SGSM2: variants seen among roughly 807,000 people sequenced by gnomAD.
SGSM2 encodes small G protein signaling modulator 2, also known as RUN and TBC1 domain containing 1.
A neutral mutation model predicts 126.6 loss-of-function variants in SGSM2; 89 were observed. That is an observed-to-expected ratio of 0.70 (90% CI 0.59 to 0.84). The LOEUF (loss-of-function observed/expected upper bound fraction) is 0.84. SGSM2 is among the 40% of genes least tolerant of loss of function. The probability of loss-of-function intolerance (pLI) is 0.00; values close to 1 mark genes in which losing one functional copy is unlikely to be tolerated. For synonymous variants in SGSM2, 614 were observed against 574.3 expected, an observed-to-expected ratio of 1.07 and a Z score of -0.99; for missense variants, 1,404 against 1,416.6, an observed-to-expected ratio of 0.99 and a Z score of 0.14.
intron 2 of SGSM2, among the ~76,000 whole-genome samples, chr17:2,354,887 C>A (rs3095372): frequency 2.1e-3 from 226 of 109,916 alleles, no homozygotes; most frequent in Middle Eastern, 4.9e-3. Flanking sequence ...GGGGTGTAAG[C>A]GTTGGGGAAG....
At chr17:2,371,035 A>G (rs899941001) in intron 12 of SGSM2, among the ~76,000 whole-genome samples, 3 of 151,858 alleles carry the variant, frequency 2.0e-5, no homozygotes, top group Non-Finnish European at 4.4e-5. Context: ...ATGCAGAAGG[A>G]CGCCTTGCGC....
At chr17:2,377,656 T>C in intron 21 of SGSM2, 2 of 478,894 alleles carry the variant, frequency 4.2e-6, no homozygotes, top group Non-Finnish European at 7.6e-6. Context: ...AGATGGGTGA[T>C]GGGAGGGGCA....
chr17:2,358,723 C>A (rs2065181072), intron 2 of SGSM2, among the ~76,000 whole-genome samples: 1 of 151,660 alleles, frequency 6.6e-6, no homozygotes, highest in Admixed American at 6.6e-5. Context: ...AAAAAAACGG[C>A]TTCTTAATCT....
chr17:2,346,287 G>C (rs1208674595), intron 2 of SGSM2, among the ~76,000 whole-genome samples: 1 of 152,136 alleles, frequency 6.6e-6, no homozygotes, highest in African/African-American at 2.4e-5. Context: ...TTGTGTACTG[G>C]GCCCCTCAAC....
intron 12 of SGSM2, among the ~76,000 whole-genome samples, chr17:2,370,736 C>T (rs2065829348): frequency 6.6e-6 from 1 of 152,230 alleles, no homozygotes; most frequent in Non-Finnish European, 1.5e-5. Context: ...CCCAGAAGAG[C>T]CAGGCCTACG....
intron 2 of SGSM2, among the ~76,000 whole-genome samples, chr17:2,345,842 C>G (rs1261723705): frequency 2.6e-5 from 4 of 152,100 alleles, no homozygotes; most frequent in Non-Finnish European, 5.9e-5. Flanking sequence ...AAAATTGGTG[C>G]TCAGTGGTGA....
At chr17:2,347,798 C>T (rs969922256) in intron 2 of SGSM2, among the ~76,000 whole-genome samples, 2 of 152,114 alleles carry the variant, frequency 1.3e-5, no homozygotes, top group African/African-American at 2.4e-5. Context: ...TTACCCTATT[C>T]CGATTGGGCA....
At position 2,362,801 on chromosome 17, in the gene SGSM2, C is replaced by T. The variant is rs1048162183; in HGVS notation, c.459-37C>T. ...AGCTTGACTGCCCTGGAATGAGCCCCGGAGCCTCGGCAGTCACACTGTCTG... is the reference window on the plus strand; with the variant it reads ...AGCTTGACTGCCCTGGAATGAGCCCTGGAGCCTCGGCAGTCACACTGTCTG... On this transcript the variant is annotated intron_variant, in intron 4 of 23. Coordinates refer to ENST00000268989, the MANE Select transcript of SGSM2 (RefSeq NM_014853.3). The surrounding 1 kb of genome is among the most constrained non-coding windows in gnomAD (Gnocchi z 4.9). The T allele has an allele frequency of 6.8e-6, 11 of 1,609,796 alleles. No individual in the cohort carries two copies. The highest frequency in any genetic ancestry group is 6.7e-5 in the African/African-American group (5 of 74,954).
intron 12 of SGSM2, among the ~76,000 whole-genome samples, chr17:2,368,385 G>A (rs1268592038): frequency 6.6e-6 from 1 of 152,180 alleles, no homozygotes; most frequent in Non-Finnish European, 1.5e-5. Flanking sequence ...TTCTCCCAGA[G>A]ACGAGGGGAG....
Position 2,367,862 on chromosome 17 carries a change from CTG to C in SGSM2, c.1423+460_1423+461del, listed in dbSNP as rs1426144073. Among the ~76,000 whole-genome samples the C allele has an allele frequency of 6.6e-6, 1 of 152,170 alleles. No homozygotes were observed. Among genetic ancestry groups the C allele is most frequent in the Non-Finnish European group, 1.5e-5 (1 of 68,008 alleles). ...GTCCTTCCTGGGGCAGGGGCAGCAG[CTG>C]TGGGTCAGGCGAGGGGTTGAGGGCT... On this transcript the variant is annotated intron_variant, in intron 12 of 23. Transcript: ENST00000268989. This position sits in a 1 kb window ranked among gnomAD's most constrained non-coding sequence, Gnocchi z 4.0.
intron 1 of SGSM2, among the ~76,000 whole-genome samples, chr17:2,338,412 A>G (rs1248245944): frequency 6.6e-6 from 1 of 151,966 alleles, no homozygotes; most frequent in Non-Finnish European, 1.5e-5. Flanking sequence ...GTTTACCTTG[A>G]CCCTGCCCAA....
At chr17:2,369,839 C>G (rs2065780713) in intron 12 of SGSM2, among the ~76,000 whole-genome samples, 1 of 152,190 alleles carries the variant, frequency 6.6e-6, no homozygotes. Context: ...CACCTGCACC[C>G]TCCCCTTCTT....
In SGSM2 at chr17:2,372,942, G is replaced by A. The variant is rs565205228; in HGVS notation, c.1789-11G>A. The stretch of plus-strand genomic sequence containing the variant: ...GGAGGCTGCACAGTCTTGACTCCCC[G>A]GGTCCCTCAGAACTACAAAGAGCTG... On this transcript the variant is annotated splice_polypyrimidine_tract_variant and intron_variant, in intron 15 of 23. Coordinates refer to ENST00000268989, the MANE Select transcript of SGSM2 (RefSeq NM_014853.3). This position sits in a 1 kb window ranked among gnomAD's most constrained non-coding sequence, Gnocchi z 6.0. 4.2e-5 allele frequency: 66 copies of A among 1,556,910 alleles called. 1 individual carries two copies. Among genetic ancestry groups the A allele is most frequent in the East Asian group, 4.1e-4 (17 of 41,350 alleles).
In SGSM2 at chr17:2,360,729, C is replaced by A. The variant is rs16952099; in HGVS notation, c.134-908C>A. On this transcript the variant is annotated intron_variant, in intron 2 of 23. Transcript: ENST00000268989. Reference sequence around the variant, plus strand: ...CCAGCACAGCTCACTGTTTCCAGTCCGTGTGAAAAAACCACCTCCTTCTCC... The same window carrying A: ...CCAGCACAGCTCACTGTTTCCAGTCAGTGTGAAAAAACCACCTCCTTCTCC... Among the ~76,000 whole-genome samples the A allele has an allele frequency of 2.8e-4, 42 of 152,300 alleles. 1 individual carries two copies. The East Asian group carries it at 2.9e-3, about 10-fold the overall frequency.
chr17:2,363,286 C>A lies in SGSM2; in HGVS notation c.672+152C>A. 2.2e-6 allele frequency: 3 copies of A among 1,352,110 alleles called. No homozygotes were observed. Among genetic ancestry groups the A allele is most frequent in the Admixed American group, 2.5e-5 (1 of 39,776 alleles). The allele number at this position is 1,352,110 out of a possible 1,614,324, so 83.8% of individuals were successfully genotyped here. A position where few individuals can be genotyped will look rare whatever the true frequency, so the allele number is the denominator to read the frequency against. ...GCCTTCTCCGCACAATAAAACTTAA[C>A]ACAAATGCCGGGAGCCCATGCTGGT... On this transcript the variant is annotated intron_variant, in intron 6 of 23. Transcript: ENST00000268989. The surrounding 1 kb of genome is among the most constrained non-coding windows in gnomAD (Gnocchi z 4.2).
chr17:2,376,256 G>A lies in SGSM2; in HGVS notation c.2604G>A (p.Met868Ile), dbSNP rs1432050424. ...PPNLERLRDVMCSYVWEHLDV... is the reference protein window; with the variant it reads ...PPNLERLRDVICSYVWEHLDV... ...ACCTCGAGAGGCTCAGAGACGTCAT[G>A]TGCAGGTGCCTTGTGGGGCGGGGCT... The change falls in exon 19 of 24, where the codon ATG becomes ATA. Residue 868 changes from methionine (M) to isoleucine (I), a missense_variant. By Grantham distance (10) the Met-to-Ile change is conservative. Coordinates refer to ENST00000268989, the MANE Select transcript of SGSM2 (RefSeq NM_014853.3). 6.2e-7 allele frequency: 1 copy of A among 1,613,752 alleles called. No homozygotes were observed.
intron 2 of SGSM2, among the ~76,000 whole-genome samples, chr17:2,351,810 T>C (rs557002201): frequency 1.3e-5 from 2 of 152,306 alleles, no homozygotes; most frequent in South Asian, 4.1e-4. Flanking sequence ...CCTACCCGCC[T>C]CAGGACAGTT....
chr17:2,365,039 G>A lies in SGSM2; in HGVS notation c.1143G>A (p.Leu381=), dbSNP rs1367380559. The part of the protein sequence containing the change: ...LLPRGQLEPP[L]WTQQGKGKVF... ...CTCGGGGACAGCTAGAGCCCCCGCT[G>A]TGGACCCAGCAAGGGAAGGTAACTC... Residue 381 remains leucine (L), a synonymous_variant, in exon 10 of 24, where the codon CTG becomes CTA. Coordinates refer to ENST00000268989, the MANE Select transcript of SGSM2 (RefSeq NM_014853.3). The A allele has an allele frequency of 2.5e-6, 4 of 1,613,008 alleles. No individual in the cohort carries two copies. The African/African-American group carries it at 5.3e-5, about 22-fold the overall frequency.
intron 12 of SGSM2, among the ~76,000 whole-genome samples, chr17:2,370,033 G>A (rs752586622): frequency 7.9e-5 from 12 of 152,176 alleles, no homozygotes; most frequent in African/African-American, 1.2e-4. Flanking sequence ...GGAACCGGAA[G>A]GGGCTCAGCT....
Sources: allele counts gnomAD v4.1 joint callset (sites outside exome capture counted in the v4.1 genomes callset), GRCh38; gene constraint gnomAD v4.1.1; non-coding constraint Gnocchi (gnomAD v3.1); transcripts MANE v1.5; gene names NCBI Gene and HGNC (gene_info 2026-07-23, HGNC 2026-07-21).